The following PRH1 variants were observed in gnomAD, a reference collection of about 807,000 sequenced individuals.
PRH1 encodes the protein proline rich protein HaeIII subfamily 1, also known as salivary acidic proline-rich phosphoprotein 1/2.
A neutral mutation model predicts 7.9 loss-of-function variants in PRH1; 7 were observed. That is an observed-to-expected ratio of 0.89 (90% CI 0.50 to 1.67). PRH1 has a LOEUF of 1.67. PRH1 is among the 40% of genes most tolerant of loss of function. PRH1 has a pLI of 0.00. For missense variants in PRH1, 109 were observed against 223.6 expected (o/e 0.49, Z 3.27); for synonymous variants, 45 against 80.8 (o/e 0.56, Z 2.38).
chr12:11,154,315 T>C (rs1049368525), intron 1 of PRH1, among the ~76,000 whole-genome samples: 6 of 152,178 alleles, frequency 3.9e-5, no homozygotes, highest in Admixed American at 2.6e-4. Context: ...GAGGGTTCAT[T>C]GAAAATAAAC....
intron 1 of PRH1, among the ~76,000 whole-genome samples, chr12:11,002,831 G>A (rs984136304): frequency 1.3e-5 from 2 of 151,990 alleles, no homozygotes; most frequent in Non-Finnish European, 2.9e-5. Flanking sequence ...CAACACATAT[G>A]CTGTGCACAT....
chr12:10,934,263 C>T (rs1464528303), intron 2 of PRH1, among the ~76,000 whole-genome samples: 3 of 152,120 alleles, frequency 2.0e-5, no homozygotes, highest in East Asian at 3.8e-4. Flanking sequence ...CAAGAGTTTG[C>T]AGCTCTGGCT....
chr12:10,987,459 C>T (rs1220611648), intron 1 of PRH1, among the ~76,000 whole-genome samples: 2 of 152,038 alleles, frequency 1.3e-5, no homozygotes, highest in East Asian at 3.8e-4. Context: ...AAGACCAAAA[C>T]ACCTTAAAAT....
intron 1 of PRH1, among the ~76,000 whole-genome samples, chr12:11,145,992 GTAGT>G (rs1405951805): frequency 6.6e-6 from 1 of 152,064 alleles, no homozygotes; most frequent in East Asian, 1.9e-4. Flanking sequence ...TCAGAAATAT[GTAGT>G]TATACATGCA....
intron 1 of PRH1, among the ~76,000 whole-genome samples, chr12:11,160,935 C>G (rs1312872389): frequency 6.6e-6 from 1 of 152,164 alleles, no homozygotes. Flanking sequence ...AAGCAAAATG[C>G]ACTCTCCAAC....
chr12:11,008,635 G>A (rs1472741944), intron 1 of PRH1, among the ~76,000 whole-genome samples: 1 of 152,154 alleles, frequency 6.6e-6, no homozygotes, highest in African/African-American at 2.4e-5. Context: ...AATCCTATAT[G>A]TTCTTATTCA....
chr12:11,038,210 A>G (rs1239620346), intron 1 of PRH1, among the ~76,000 whole-genome samples: 1 of 152,280 alleles, frequency 6.6e-6, no homozygotes, highest in African/African-American at 2.4e-5. Context: ...CTTTTTTAAC[A>G]TTTTTTATTG....
rs1158889106 is a variant in PRH1 at position 11,080,730 on chromosome 12, C to T, written n.124-33542G>A. ...TAATTTTTATTGCTCCTTGCATGTT[C>T]AACTTTGTATTTTCAGTAATTTTAT... On this transcript the variant is annotated intron_variant and non_coding_transcript_variant, in intron 1 of 4. Transcript: ENST00000541977. Among the ~76,000 whole-genome samples, 9 of 120,624 alleles carry T rather than the reference C, an allele frequency of 7.5e-5. 2 individuals are homozygous for T. In the East Asian group the frequency reaches 1.0e-3, roughly 14 times the overall value. 79.1% of individuals were successfully genotyped at this position (120,624 alleles called of 152,430 possible).
intron 1 of PRH1, among the ~76,000 whole-genome samples, chr12:11,169,538 C>T (rs1179045906): frequency 6.6e-6 from 1 of 152,022 alleles, no homozygotes; most frequent in Admixed American, 6.6e-5. Flanking sequence ...TACCCAGAAA[C>T]GGAGCAAGTA....
intron 2 of PRH1, among the ~76,000 whole-genome samples, chr12:10,969,962 G>A (rs540482581): frequency 9.9e-5 from 15 of 151,920 alleles, no homozygotes; most frequent in South Asian, 6.2e-4. Context: ...CACCACACCC[G>A]GCTAATTTTT....
At chr12:10,982,760 C>T (rs540902362) in intron 1 of PRH1, among the ~76,000 whole-genome samples, 2 of 152,228 alleles carry the variant, frequency 1.3e-5, no homozygotes, top group South Asian at 2.1e-4. Context: ...GAGACATAAA[C>T]TTCAGCAGAT....
At chr12:10,927,466 T>G (rs772922954) in intron 2 of PRH1, among the ~76,000 whole-genome samples, 1 of 152,198 alleles carries the variant, frequency 6.6e-6, no homozygotes, top group Non-Finnish European at 1.5e-5. Context: ...CAGCTAAAAC[T>G]GATCCAGTTT....
intron 2 of PRH1, among the ~76,000 whole-genome samples, chr12:10,910,456 T>A (rs1185101830): frequency 6.6e-6 from 1 of 152,018 alleles, no homozygotes; most frequent in East Asian, 1.9e-4. Flanking sequence ...ACCCTGTATC[T>A]AAAATAAATA....
chr12:11,030,955 A>T, intron 1 of PRH1: 2 of 1,614,284 alleles, frequency 1.2e-6, no homozygotes, highest in Non-Finnish European at 1.7e-6. Context: ...CCAGAATGAC[A>T]CTCTTAACTC....
intron 1 of PRH1, among the ~76,000 whole-genome samples, chr12:11,165,482 TTCTA>T (rs1375879039): frequency 6.6e-6 from 1 of 152,216 alleles, no homozygotes; most frequent in Non-Finnish European, 1.5e-5. Flanking sequence ...CTTATATAGT[TTCTA>T]TCTCTCTGCT....
rs143948129 is a variant in PRH1, at chr12:10,908,515, T to C, written c.-58-24240A>G. 1.4e-4 allele frequency: 224 copies of C among 1,613,900 alleles called. No homozygotes were observed. The highest frequency in any genetic ancestry group is 4.2e-4 in the Admixed American group (25 of 59,940). On this transcript the variant is annotated intron_variant, in intron 2 of 3. Coordinates refer to the PRH1 transcript ENST00000539853. The stretch of plus-strand genomic sequence containing the variant: ...CCAATCGTCTCACAAAGCATGTAGA[T>C]CACTGTGTTCTGATACAGCTCAGAA...
chr12:11,059,310 C>G (rs1226602338), intron 1 of PRH1, among the ~76,000 whole-genome samples: 1 of 149,322 alleles, frequency 6.7e-6, no homozygotes, highest in South Asian at 2.1e-4. Context: ...CAGAGCCATA[C>G]CAGACATCAC....
At chr12:10,932,163 A>G (rs1256930956) in intron 2 of PRH1, 3 of 404,782 alleles carry the variant, frequency 7.4e-6, no homozygotes, top group Admixed American at 2.4e-5. Flanking sequence ...CAGTAAACCA[A>G]TGAGGTATTA....
At chr12:11,160,291 AC>A (rs1947375286) in intron 1 of PRH1, among the ~76,000 whole-genome samples, 1 of 152,198 alleles carries the variant, frequency 6.6e-6, no homozygotes, top group Admixed American at 6.5e-5. Context: ...CAAGAATTTC[AC>A]CCAAGTCCTA....
Sources: gnomAD v4.1 joint callset for allele counts (sites outside exome capture counted in the v4.1 genomes callset) on GRCh38, gnomAD v4.1.1 for gene constraint, MANE v1.5 for transcripts, NCBI Gene and HGNC (gene_info 2026-07-23, HGNC 2026-07-21) for gene names.